The following CHST8 variants were observed in gnomAD, a reference collection of about 807,000 sequenced individuals.
The protein encoded by CHST8 is carbohydrate sulfotransferase 8, also known as GALNAC-4-ST1.
CHST8 carries 10 observed loss-of-function variants against 15.0 expected under a neutral mutation model. The ratio of observed to expected loss-of-function variants is 0.67; its 90% CI spans 0.41 to 1.13. The LOEUF is 1.13. Among genes scored for constraint, CHST8 ranks in the 50% most tolerant of loss-of-function variants. The probability of loss-of-function intolerance (pLI) is 0.00; values close to 1 mark genes in which losing one functional copy is unlikely to be tolerated. For synonymous variants in CHST8, 259 were observed against 256.6 expected (o/e 1.01, Z -0.09); for missense variants, 634 against 608.2 (o/e 1.04, Z -0.45).
chr19:33,672,668 C>T (rs1253816545), intron 2 of CHST8, among the ~76,000 whole-genome samples: 1 of 152,164 alleles, frequency 6.6e-6, no homozygotes, highest in African/African-American at 2.4e-5. Flanking sequence ...ACCAGAGGAG[C>T]TGACTGTCAA....
chr19:33,671,606 C>T (rs1007104208), intron 2 of CHST8, among the ~76,000 whole-genome samples: 4 of 151,896 alleles, frequency 2.6e-5, no homozygotes, highest in Non-Finnish European at 2.9e-5. Flanking sequence ...CCCCAGGGCC[C>T]TTGCACAGCT....
chr19:33,757,503 A>C lies in CHST8; in HGVS notation c.131-13910A>C, dbSNP rs1360182754. Among the ~76,000 whole-genome samples, 7 of 49,196 alleles carry C rather than the reference A, an allele frequency of 1.4e-4. 1 individual carries two copies. The highest frequency in any genetic ancestry group is 4.5e-4 in the Admixed American group (2 of 4,464). 32.3% of individuals were successfully genotyped at this position (49,196 alleles called of 152,430 possible). A position where few individuals can be genotyped will look rare whatever the true frequency, so the allele number is the denominator to read the frequency against. On this transcript the variant is annotated intron_variant, in intron 3 of 4. Transcript: ENST00000650847. ...GAAAGAAAGAAAGAAAGAAAGAAAG[A>C]AAGAAAGAAAGAAAGAAAGAGAAAG...
chr19:33,673,584 G>A (rs557009360), intron 2 of CHST8, among the ~76,000 whole-genome samples: 2 of 152,236 alleles, frequency 1.3e-5, no homozygotes, highest in South Asian at 2.1e-4. Flanking sequence ...CCAGGCCGGA[G>A]GACGTCTGTG....
chr19:33,657,156 C>CACACAAAA (rs756944119), intron 1 of CHST8, among the ~76,000 whole-genome samples: 10 of 146,402 alleles, frequency 6.8e-5, no homozygotes, highest in African/African-American at 2.7e-4. Flanking sequence ...CACACACACA[C>CACACAAAA]AAACACACAT....
chr19:33,757,390 G>A (rs1056089072), intron 3 of CHST8, among the ~76,000 whole-genome samples: 4 of 5,000 alleles, frequency 8.0e-4, no homozygotes, highest in African/African-American at 1.0e-3. Context: ...AAAAAAAGAA[G>A]AAAGAAAGAA....
chr19:33,727,350 T>G (rs1269842498), intron 3 of CHST8, among the ~76,000 whole-genome samples: 3 of 152,068 alleles, frequency 2.0e-5, no homozygotes, highest in Non-Finnish European at 4.4e-5. Flanking sequence ...GCTGCAGCAC[T>G]GCCCAAGGAG....
chr19:33,717,467 G>GA (rs1228578976), intron 3 of CHST8, among the ~76,000 whole-genome samples: 13 of 150,998 alleles, frequency 8.6e-5, no homozygotes, highest in Admixed American at 2.6e-4. Context: ...TCTCAAAAAA[G>GA]AAAAAAAAAG....
At chr19:33,682,449 T>G (rs760277236) in intron 2 of CHST8, among the ~76,000 whole-genome samples, 1 of 152,164 alleles carries the variant, frequency 6.6e-6, no homozygotes, top group African/African-American at 2.4e-5. Flanking sequence ...AAGTGTACAG[T>G]CCAGTGGCAT....
At chr19:33,709,301 T>C (rs1973504373) in intron 3 of CHST8, among the ~76,000 whole-genome samples, 1 of 152,208 alleles carries the variant, frequency 6.6e-6, no homozygotes. Context: ...TTCCGGATCT[T>C]AGGGGAAAAA....
chr19:33,727,664 G>T (rs1042846610), intron 3 of CHST8, among the ~76,000 whole-genome samples: 10 of 152,216 alleles, frequency 6.6e-5, no homozygotes, highest in African/African-American at 2.4e-4. Flanking sequence ...CAGGCCCCCC[G>T]GAAGGAGGAA....
chr19:33,757,412 A>G (rs1353239202), intron 3 of CHST8, among the ~76,000 whole-genome samples: 16 of 6,876 alleles, frequency 2.3e-3, no homozygotes, highest in African/African-American at 4.3e-3. Flanking sequence ...GAAAGAAAGA[A>G]AGAAAGAAAG....
chr19:33,739,559 T>C (rs1465277214), intron 3 of CHST8, among the ~76,000 whole-genome samples: 1 of 152,238 alleles, frequency 6.6e-6, no homozygotes, highest in East Asian at 1.9e-4. Flanking sequence ...TACTTTTTGC[T>C]TCAAATCACA....
In CHST8 at chr19:33,689,231, A is replaced by C. The variant is rs1470084469; in HGVS notation, c.-31A>C. 2 of 1,514,826 alleles carry C rather than the reference A, an allele frequency of 1.3e-6. No individual in the cohort carries two copies. Among genetic ancestry groups the C allele is most frequent in the Non-Finnish European group, 1.8e-6 (2 of 1,131,866 alleles). The allele number at this position is 1,514,826 out of a possible 1,614,324, so 93.8% of individuals were successfully genotyped here. A position where few individuals can be genotyped will look rare whatever the true frequency, so the allele number is the denominator to read the frequency against. The stretch of plus-strand genomic sequence containing the variant: ...GATGAGGGAAGAACGTGCCCCCCAC[A>C]CCCAAGAGGTGACCCCTGAGCCAGC... On this transcript the variant is annotated 5_prime_UTR_variant, in exon 3 of 5. Coordinates refer to ENST00000650847, the MANE Select transcript of CHST8 (RefSeq NM_001127895.2).
At chr19:33,690,059 C>T (rs1973069038) in intron 3 of CHST8, among the ~76,000 whole-genome samples, 2 of 152,122 alleles carry the variant, frequency 1.3e-5, no homozygotes, top group South Asian at 2.1e-4. Flanking sequence ...GACACGGTCC[C>T]CATCCCCAGA....
At chr19:33,628,395 C>G (rs553031677) in intron 1 of CHST8, among the ~76,000 whole-genome samples, 1 of 152,168 alleles carries the variant, frequency 6.6e-6, no homozygotes, top group African/African-American at 2.4e-5. Flanking sequence ...GGAAGACCAG[C>G]GAGGCTGGAG....
chr19:33,676,152 T>G (rs1185349292), intron 2 of CHST8, among the ~76,000 whole-genome samples: 1 of 152,304 alleles, frequency 6.6e-6, no homozygotes, highest in East Asian at 1.9e-4. Context: ...CTCAAGTAAG[T>G]TTTTTTAAAT....
intron 1 of CHST8, among the ~76,000 whole-genome samples, chr19:33,633,402 C>T (rs1972149340): frequency 6.6e-6 from 1 of 151,832 alleles, no homozygotes; most frequent in Admixed American, 6.6e-5. Flanking sequence ...ACATTTTTTC[C>T]TTTTTTAGAG....
chr19:33,684,774 G>A lies in CHST8; in HGVS notation c.-86-4402G>A, dbSNP rs550858719. ...TTCCCGAGGCCAGGAGGCTGAGGAG[G>A]GAAGCCAGGGCTCAGAGACCAGCGC... On this transcript the variant is annotated intron_variant, in intron 2 of 4. Transcript: ENST00000650847. 2.6e-5 allele frequency: 4 copies of A among 152,334 alleles called. No individual in the cohort carries two copies. In the South Asian group the frequency reaches 8.3e-4, roughly 32 times the overall value. 9.4% of individuals were successfully genotyped at this position (152,334 alleles called of 1,614,324 possible). A position where few individuals can be genotyped will look rare whatever the true frequency, so the allele number is the denominator to read the frequency against.
At chr19:33,631,746 C>T (rs1972124430) in intron 1 of CHST8, among the ~76,000 whole-genome samples, 1 of 152,112 alleles carries the variant, frequency 6.6e-6, no homozygotes, top group Admixed American at 6.5e-5. Context: ...CAGCGCACAG[C>T]CATGGCAACC....
Sources: allele counts gnomAD v4.1 joint callset (sites outside exome capture counted in the v4.1 genomes callset), GRCh38; gene constraint gnomAD v4.1.1; transcripts MANE v1.5; gene names NCBI Gene and HGNC (gene_info 2026-07-23, HGNC 2026-07-21).